Variants in KDM6A observed in about 807,000 individuals in gnomAD.
The protein encoded by KDM6A is lysine demethylase 6A, also known as lysine-specific demethylase 6A.
KDM6A carries 11 observed loss-of-function variants against 117.6 expected under a neutral mutation model. That is an observed-to-expected ratio of 0.09 (90% CI 0.06 to 0.15). The LOEUF (loss-of-function observed/expected upper bound fraction) is 0.15, where lower values mean the gene tolerates loss of function less well. Ranked by LOEUF, KDM6A falls within the 10% of genes least tolerant of loss-of-function variation. The pLI is 1.00. For missense variants in KDM6A, 799 were observed against 1,077.3 expected, an observed-to-expected ratio of 0.74 and a Z score of 3.62; for synonymous variants, 384 against 396.1, an observed-to-expected ratio of 0.97 and a Z score of 0.36.
At chrX:45,033,333 A>G (rs2042678441) in intron 6 of KDM6A, among the ~76,000 whole-genome samples, 1 of 112,044 alleles carries the variant, frequency 8.9e-6, no homozygotes, top group African/African-American at 3.2e-5. Context: ...CCAAGGGAAA[A>G]TAAAAGCAGT....
Position 44,873,448 on chromosome X carries a change from G to C in KDM6A, c.-104G>C. The C allele has an allele frequency of 4.6e-6, 5 of 1,090,048 alleles. 1 individual carries two copies. In the South Asian group the frequency reaches 9.7e-5, roughly 21 times the overall value. 89.8% of individuals were successfully genotyped at this position (1,090,048 alleles called of 1,213,427 possible). A position where few individuals can be genotyped will look rare whatever the true frequency, so the allele number is the denominator to read the frequency against. On this transcript the variant is annotated 5_prime_UTR_variant, in exon 1 of 30. Coordinates refer to ENST00000611820, the MANE Select transcript of KDM6A (RefSeq NM_001291415.2). ...CGCCCGCGGCGGAGGAGGAGGCGGC[G>C]ATAAAGTTGGTGTGCTGGTCCCGCG...
chrX:45,058,965 G>T (rs2147954740), intron 10 of KDM6A, 41 bp from the exon 11 acceptor site: 1 of 1,092,773 alleles, frequency 9.2e-7, no homozygotes, highest in East Asian at 3.0e-5. Flanking sequence ...AGTATTAATG[G>T]AATTCTCTTG....
chrX:44,884,548 G>GT (rs1478405558), intron 2 of KDM6A, among the ~76,000 whole-genome samples: 1 of 111,747 alleles, frequency 8.9e-6, no homozygotes, highest in Non-Finnish European at 1.9e-5. Flanking sequence ...ATTGCATTTT[G>GT]TGTTAGGGGA....
chrX:44,881,260 G>C (rs754492475), intron 2 of KDM6A, among the ~76,000 whole-genome samples: 1 of 111,933 alleles, frequency 8.9e-6, no homozygotes, highest in Non-Finnish European at 1.9e-5. Context: ...GTGAAACCCC[G>C]TCTCTACTAA....
intron 2 of KDM6A, among the ~76,000 whole-genome samples, chrX:44,914,634 G>A (rs1030754739): frequency 9.0e-6 from 1 of 111,039 alleles, no homozygotes; most frequent in African/African-American, 3.3e-5. Flanking sequence ...CCTAGACTTT[G>A]CCACTTACCA....
chrX:44,913,967 A>G (rs571515849), intron 2 of KDM6A, among the ~76,000 whole-genome samples: 7 of 111,459 alleles, frequency 6.3e-5, no homozygotes, highest in African/African-American at 2.0e-4. Flanking sequence ...CCAATTGGGT[A>G]AAGTGTAAAA....
intron 2 of KDM6A, among the ~76,000 whole-genome samples, chrX:44,907,470 G>GTGGT (rs2034773408): frequency 1.3e-5 from 1 of 74,787 alleles, no homozygotes; most frequent in African/African-American, 6.2e-5. Context: ...TGTGTGTGTG[G>GTGGT]TTTTTTTTTT....
chrX:45,101,718 T>G (rs2148259035), intron 27 of KDM6A, among the ~76,000 whole-genome samples: 1 of 111,965 alleles, frequency 8.9e-6, no homozygotes, highest in South Asian at 3.7e-4. Context: ...TTTTGGTGTG[T>G]TAACTATTAT....
At chrX:44,930,298 GTC>G (rs2036551152) in intron 2 of KDM6A, among the ~76,000 whole-genome samples, 1 of 111,721 alleles carries the variant, frequency 9.0e-6, no homozygotes, top group Non-Finnish European at 1.9e-5. Flanking sequence ...TTTTGATAAA[GTC>G]TAATTTATCA....
chrX:45,025,488 C>T (rs2042331784), intron 6 of KDM6A, among the ~76,000 whole-genome samples: 1 of 112,243 alleles, frequency 8.9e-6, no homozygotes, highest in South Asian at 3.7e-4. Context: ...ATTTCATTAT[C>T]CTTTAATGAT....
chrX:45,041,138 C>T (rs1418137450), intron 8 of KDM6A, among the ~76,000 whole-genome samples: 1 of 78,642 alleles, frequency 1.3e-5, no homozygotes, highest in Non-Finnish European at 2.4e-5. Flanking sequence ...CCCCCACCAC[C>T]TCCCTCCCGG....
intron 4 of KDM6A, among the ~76,000 whole-genome samples, chrX:45,005,705 T>C (rs2041405461): frequency 1.8e-5 from 2 of 110,770 alleles, no homozygotes; most frequent in African/African-American, 6.6e-5. Context: ...TTTGTTACCA[T>C]CTTTATCCCT....
At chrX:44,949,476 G>T (rs867608183) in intron 2 of KDM6A, among the ~76,000 whole-genome samples, 1 of 90,415 alleles carries the variant, frequency 1.1e-5, no homozygotes, top group Non-Finnish European at 2.0e-5. Context: ...CTATTAAAAA[G>T]TTTTTTTTTT....
At chrX:45,058,287 A>T (rs1387334966) in intron 10 of KDM6A, among the ~76,000 whole-genome samples, 1 of 109,735 alleles carries the variant, frequency 9.1e-6, no homozygotes, top group Non-Finnish European at 1.9e-5. Flanking sequence ...CTTTAGTGCC[A>T]AGAATAAGAA....
intron 2 of KDM6A, among the ~76,000 whole-genome samples, chrX:44,942,055 A>C (rs113711472): frequency 0.17 from 17,943 of 105,581 alleles, 2,337 homozygotes; most frequent in African/African-American, 0.44. Flanking sequence ...TTTTTTTGAG[A>C]CAGAGTCTCA....
intron 6 of KDM6A, among the ~76,000 whole-genome samples, chrX:45,023,940 C>T (rs2042267148): frequency 8.9e-6 from 1 of 112,106 alleles, no homozygotes; most frequent in Admixed American, 9.5e-5. Flanking sequence ...TGGTCTCCAA[C>T]TCCATTCAGG....
chrX:45,020,148 A>ATGG (rs1238989522), intron 5 of KDM6A, among the ~76,000 whole-genome samples: 1 of 111,726 alleles, frequency 9.0e-6, no homozygotes, highest in Non-Finnish European at 1.9e-5. Context: ...TAAGGTACAG[A>ATGG]TGGTTTGTAA....
intron 2 of KDM6A, among the ~76,000 whole-genome samples, chrX:44,909,066 C>G (rs1236047691): frequency 3.6e-5 from 4 of 111,906 alleles, no homozygotes; most frequent in Non-Finnish European, 5.6e-5. Flanking sequence ...ACAGTAGTAG[C>G]AATTTGAAGC....
chrX:44,963,527 C>G (rs1257630802), intron 3 of KDM6A, among the ~76,000 whole-genome samples: 1 of 105,155 alleles, frequency 9.5e-6, no homozygotes, highest in Admixed American at 1.0e-4. Context: ...CTCTGTCTCT[C>G]TCTGTGTCTC....
Sources: allele counts gnomAD v4.1 joint callset (sites outside exome capture counted in the v4.1 genomes callset), GRCh38; gene constraint gnomAD v4.1.1; transcripts MANE v1.5; gene names NCBI Gene and HGNC (gene_info 2026-07-23, HGNC 2026-07-21).